The following SLC30A9 variants were observed in gnomAD, a reference collection of about 807,000 sequenced individuals.
SLC30A9 encodes the protein solute carrier family 30 member 9.
In SLC30A9, 58 loss-of-function variants were observed where a neutral mutation model predicts 87.5. The observed-to-expected ratio is 0.66, with a 90% CI of 0.54 to 0.82. The LOEUF is 0.82. SLC30A9 is among the 40% of genes least tolerant of loss of function. The probability of loss-of-function intolerance (pLI) is 0.00; values close to 1 mark genes in which losing one functional copy is unlikely to be tolerated. For synonymous variants in SLC30A9, 234 were observed against 233.0 expected, an observed-to-expected ratio of 1.00 and a Z score of -0.04; for missense variants, 557 against 679.1, an observed-to-expected ratio of 0.82 and a Z score of 2.00.
intron 6 of SLC30A9, 72 bp from the exon 7 acceptor site, chr4:42,035,203 G>T: frequency 2.1e-6 from 3 of 1,440,882 alleles, no homozygotes; most frequent in South Asian, 2.4e-5. Context: ...GTCCTGAAGA[G>T]AATATCATGT....
Position 42,086,277 on chromosome 4 carries a change from C to A in SLC30A9, c.*151C>A. ...AGGAAATATTTTATGTAAAGAGCAA[C>A]TCAGCAGGACACAGAACTAAAACTA... On this transcript the variant is annotated 3_prime_UTR_variant, in exon 18 of 18. Transcript: ENST00000264451. 2.4e-6 allele frequency: 1 copy of A among 421,730 alleles called. No individual in the cohort carries two copies. Among genetic ancestry groups the A allele is most frequent in the Non-Finnish European group, 4.3e-6 (1 of 231,058 alleles). 26.1% of individuals were successfully genotyped at this position (421,730 alleles called of 1,614,324 possible).
At chr4:42,081,648 T>C (rs981418320) in intron 17 of SLC30A9, among the ~76,000 whole-genome samples, 1 of 152,212 alleles carries the variant, frequency 6.6e-6, no homozygotes, top group Admixed American at 6.5e-5. Flanking sequence ...TGTTTTTATT[T>C]TGCTGGCAAG....
intron 17 of SLC30A9, among the ~76,000 whole-genome samples, chr4:42,080,538 G>C (rs1718711908): frequency 6.6e-6 from 1 of 152,200 alleles, no homozygotes; most frequent in Admixed American, 6.5e-5. Context: ...TCTGAGACTT[G>C]ATGACCAGAG....
chr4:42,076,723 G>A (rs1269618141), intron 16 of SLC30A9, among the ~76,000 whole-genome samples: 2 of 151,994 alleles, frequency 1.3e-5, no homozygotes, highest in African/African-American at 4.8e-5. Flanking sequence ...CAGCACTTTG[G>A]GAGGCCGAGG....
At chr4:42,051,385 T>A (rs1717378318) in intron 9 of SLC30A9, among the ~76,000 whole-genome samples, 1 of 152,068 alleles carries the variant, frequency 6.6e-6, no homozygotes, top group African/African-American at 2.4e-5. Flanking sequence ...TAAAAAAGAC[T>A]AATCGCCAGT....
chr4:42,071,691 AAG>A (rs1408944956), intron 15 of SLC30A9, among the ~76,000 whole-genome samples: 1 of 141,070 alleles, frequency 7.1e-6, no homozygotes, highest in Non-Finnish European at 1.6e-5. Context: ...AAAAAAAAAA[AAG>A]ATTAGAAGTT....
chr4:42,054,551 C>G, intron 9 of SLC30A9, among the ~76,000 whole-genome samples: 1 of 149,668 alleles, frequency 6.7e-6, no homozygotes, highest in Admixed American at 6.7e-5. Flanking sequence ...AGTGCAATGG[C>G]ATGATCTCAG....
At chr4:42,073,370 G>A (rs1718394005) in intron 15 of SLC30A9, among the ~76,000 whole-genome samples, 1 of 152,192 alleles carries the variant, frequency 6.6e-6, no homozygotes, top group African/African-American at 2.4e-5. Flanking sequence ...TCGAAATTTT[G>A]TGGAAGAGTG....
intron 14 of SLC30A9, among the ~76,000 whole-genome samples, chr4:42,068,051 C>T (rs1054185851): frequency 6.6e-5 from 10 of 152,162 alleles, no homozygotes; most frequent in African/African-American, 1.7e-4. Flanking sequence ...TGATTTAACT[C>T]ACCACCCCTA....
At chr4:42,061,942 C>G (rs536874024) in intron 10 of SLC30A9, among the ~76,000 whole-genome samples, 13 of 151,216 alleles carry the variant, frequency 8.6e-5, no homozygotes, top group African/African-American at 3.2e-4. Context: ...CGCCTGTAAT[C>G]CCAGCACTTT....
At chr4:42,009,195 T>C (rs1715339044) in intron 2 of SLC30A9, among the ~76,000 whole-genome samples, 1 of 152,216 alleles carries the variant, frequency 6.6e-6, no homozygotes, top group Non-Finnish European at 1.5e-5. Context: ...TGTTAGTTTA[T>C]TTTCTTATAT....
intron 17 of SLC30A9, among the ~76,000 whole-genome samples, chr4:42,083,561 C>T (rs1718814184): frequency 6.6e-6 from 1 of 151,938 alleles, no homozygotes. Flanking sequence ...GATTAGTTTA[C>T]TCTGAAAACT....
intron 6 of SLC30A9, among the ~76,000 whole-genome samples, chr4:42,025,727 G>A (rs900051655): frequency 7.3e-5 from 11 of 151,454 alleles, no homozygotes; most frequent in African/African-American, 1.5e-4. Flanking sequence ...GTGCAGTGGC[G>A]CAATCTCAGC....
rs1440580127 is a variant in SLC30A9, at chr4:42,075,457, A to G, written c.1419-200A>G. On this transcript the variant is annotated intron_variant, in intron 15 of 17. Coordinates refer to ENST00000264451, the MANE Select transcript of SLC30A9 (RefSeq NM_006345.4). ...TTTGTTAAGTTTGCACCTTTGTATGATATCATGCCAAAAAAAAAGCTAAAC... is the reference window on the plus strand; with the variant it reads ...TTTGTTAAGTTTGCACCTTTGTATGGTATCATGCCAAAAAAAAAGCTAAAC... Among the ~76,000 whole-genome samples, 4 of 151,620 alleles carry G rather than the reference A, an allele frequency of 2.6e-5. No individual in the cohort carries two copies. In the East Asian group the frequency reaches 5.8e-4, roughly 22 times the overall value.
intron 14 of SLC30A9, 152 bp downstream of exon 14, chr4:42,067,344 G>A: frequency 1.8e-5 from 10 of 564,592 alleles, no homozygotes; most frequent in East Asian, 3.1e-5. Flanking sequence ...TAAGACATTT[G>A]GTCAGCAGAA....
At chr4:42,056,275 T>C (rs1320576382) in intron 9 of SLC30A9, among the ~76,000 whole-genome samples, 2 of 152,134 alleles carry the variant, frequency 1.3e-5, no homozygotes, top group African/African-American at 4.8e-5. Flanking sequence ...TCACTTTTAA[T>C]GTACAGGTGT....
chr4:42,075,767 A>G lies in SLC30A9; in HGVS notation c.1529A>G (p.Asp510Gly). Residue 510 changes from aspartate (D) to glycine (G), a missense_variant, in exon 16 of 18, where the codon GAT becomes GGT. Physicochemically the swap from Asp to Gly is moderately conservative, Grantham distance 94. This residue lies in a region of SLC30A9 where 90 missense variants were observed against 149.4 expected (regional missense o/e 0.60). Transcript: ENST00000264451. ...ACAAGATCATATTTGGAAAAACAAG[A>G]TTTTGACCAAATGTTACAAGTAAGT... ...VVTRSYLEKQ[D>G]FDQMLQEIQE... The G allele has an allele frequency of 6.2e-7, 1 of 1,611,002 alleles. No individual in the cohort carries two copies. The highest frequency in any genetic ancestry group is 1.1e-5 in the South Asian group (1 of 90,850).
intron 3 of SLC30A9, 106 bp downstream of exon 3, chr4:42,018,276 G>C: frequency 1.3e-6 from 1 of 755,308 alleles, no homozygotes; most frequent in Non-Finnish European, 2.1e-6. Context: ...TAAGAGTATA[G>C]TTTATTTTTT....
chr4:42,009,502 T>C (rs573441545), intron 2 of SLC30A9, among the ~76,000 whole-genome samples: 1 of 152,360 alleles, frequency 6.6e-6, no homozygotes, highest in South Asian at 2.1e-4. Context: ...ACAGCAGATG[T>C]GTGGCAAACA....
Sources: gnomAD v4.1 joint callset for allele counts (sites outside exome capture counted in the v4.1 genomes callset) on GRCh38, gnomAD v4.1.1 for gene constraint, gnomAD v4.1.1 regional missense constraint, MANE v1.5 for transcripts, NCBI Gene and HGNC (gene_info 2026-07-23, HGNC 2026-07-21) for gene names.